Variants in RBFOX1 observed in about 807,000 individuals in gnomAD.
RBFOX1 encodes RNA binding protein fox-1 homolog 1.
RBFOX1 carries 8 observed loss-of-function variants against 57.7 expected under a neutral mutation model. That is an observed-to-expected ratio of 0.14 (90% CI 0.08 to 0.25). The LOEUF (loss-of-function observed/expected upper bound fraction) is 0.25. Among genes scored for constraint, RBFOX1 ranks in the 10% least tolerant of loss-of-function variants. The pLI is 1.00. For missense variants in RBFOX1, 611 were observed against 548.5 expected (o/e 1.11, Z -1.14); for synonymous variants, 326 against 222.4 (o/e 1.47, Z -4.15).
chr16:6,933,314 T>A (rs1018875890), intron 3 of RBFOX1, among the ~76,000 whole-genome samples: 1 of 152,246 alleles, frequency 6.6e-6, no homozygotes, highest in Non-Finnish European at 1.5e-5. Context: ...GTAACCGACA[T>A]ACTCTTTTCC....
chr16:5,291,168 C>CTG (rs1296837051), intron 1 of RBFOX1, among the ~76,000 whole-genome samples: 4 of 151,960 alleles, frequency 2.6e-5, no homozygotes, highest in Non-Finnish European at 1.5e-5. Context: ...TGTAACTACT[C>CTG]TGTGTCCCAG....
At chr16:6,745,736 G>A (rs2073438810) in intron 3 of RBFOX1, among the ~76,000 whole-genome samples, 1 of 152,196 alleles carries the variant, frequency 6.6e-6, no homozygotes, top group African/African-American at 2.4e-5. Context: ...TGGGAACAAA[G>A]CAAGGATTTA....
At chr16:5,899,797 G>A (rs1057349138) in intron 4 of RBFOX1, among the ~76,000 whole-genome samples, 3 of 152,188 alleles carry the variant, frequency 2.0e-5, no homozygotes, top group Non-Finnish European at 4.4e-5. Flanking sequence ...TTGATGGCCC[G>A]GCATGGTGGC....
chr16:6,725,023 C>T (rs77329293), intron 3 of RBFOX1, among the ~76,000 whole-genome samples: 2 of 147,268 alleles, frequency 1.4e-5, no homozygotes, highest in Non-Finnish European at 3.0e-5. Flanking sequence ...ACTTTTGTTG[C>T]CCTCTTGGTT....
At chr16:6,821,645 G>C (rs78148271) in intron 3 of RBFOX1, among the ~76,000 whole-genome samples, 4,548 of 152,234 alleles carry the variant, frequency 0.03, 228 homozygotes, top group East Asian at 0.15. Flanking sequence ...ACAACACGTG[G>C]CCTTTTTCAT....
intron 1 of RBFOX1, among the ~76,000 whole-genome samples, chr16:6,267,709 C>T (rs2074696935): frequency 1.3e-5 from 2 of 152,086 alleles, no homozygotes; most frequent in Non-Finnish European, 1.5e-5. Context: ...CTGTTTTTTT[C>T]CCTTTTTCCC....
chr16:6,637,290 A>C (rs1286270345), intron 2 of RBFOX1, among the ~76,000 whole-genome samples: 1 of 67,344 alleles, frequency 1.5e-5, no homozygotes, highest in African/African-American at 7.1e-5. Flanking sequence ...TATATATAAT[A>C]TATAATATAC....
chr16:5,372,830 CATG>C (rs2065893475), intron 1 of RBFOX1, among the ~76,000 whole-genome samples: 1 of 152,238 alleles, frequency 6.6e-6, no homozygotes, highest in African/African-American at 2.4e-5. Context: ...AATACCATCT[CATG>C]ATCCTTTGGA....
intron 4 of RBFOX1, among the ~76,000 whole-genome samples, chr16:7,241,330 G>C (rs1282376392): frequency 6.6e-5 from 10 of 152,108 alleles, no homozygotes; most frequent in Admixed American, 2.0e-4. Context: ...GCAGGAAGCA[G>C]GTCACCTCCT....
At chr16:5,626,100 G>A (rs1596498992) in intron 3 of RBFOX1, among the ~76,000 whole-genome samples, 1 of 151,662 alleles carries the variant, frequency 6.6e-6, no homozygotes, top group East Asian at 1.9e-4. Flanking sequence ...GGCTGGTCTC[G>A]AGCTCCTGAC....
At chr16:7,255,077 G>C (rs115795150) in intron 4 of RBFOX1, among the ~76,000 whole-genome samples, 2 of 152,134 alleles carry the variant, frequency 1.3e-5, no homozygotes, top group Admixed American at 6.5e-5. Flanking sequence ...TAATATTAAC[G>C]TTAGCTGTTA....
At chr16:6,803,759 T>A (rs1034166814) in intron 3 of RBFOX1, among the ~76,000 whole-genome samples, 11 of 152,034 alleles carry the variant, frequency 7.2e-5, no homozygotes, top group African/African-American at 2.7e-4. Context: ...ATCTATTACT[T>A]GTGAGAGAAT....
chr16:6,063,199 T>C (rs867932641), intron 1 of RBFOX1, among the ~76,000 whole-genome samples: 1 of 151,954 alleles, frequency 6.6e-6, no homozygotes, highest in African/African-American at 2.4e-5. Flanking sequence ...GCTTGATCAC[T>C]TTGGAGCAGC....
intron 2 of RBFOX1, among the ~76,000 whole-genome samples, chr16:6,463,477 G>A (rs1307111847): frequency 6.6e-6 from 1 of 152,118 alleles, no homozygotes; most frequent in Non-Finnish European, 1.5e-5. Context: ...TAACATTTGG[G>A]GTCAGAAGCT....
chr16:6,840,638 C>G (rs1265492190), intron 3 of RBFOX1, among the ~76,000 whole-genome samples: 2 of 152,004 alleles, frequency 1.3e-5, no homozygotes, highest in Non-Finnish European at 2.9e-5. Flanking sequence ...CCCATAACCC[C>G]AGCACTTTGG....
intron 4 of RBFOX1, among the ~76,000 whole-genome samples, chr16:7,186,741 T>G (rs1227452650): frequency 6.7e-6 from 1 of 150,306 alleles, no homozygotes; most frequent in African/African-American, 2.4e-5. Context: ...AGATTCTATA[T>G]GAAGCAATGA....
At chr16:7,519,851 T>A in intron 5 of RBFOX1, 2 of 446,072 alleles carry the variant, frequency 4.5e-6, no homozygotes, top group Non-Finnish European at 5.9e-6. Flanking sequence ...GCCACCTCAT[T>A]CATTTGGAGG....
At chr16:7,337,588 C>T (rs2096815176) in intron 4 of RBFOX1, among the ~76,000 whole-genome samples, 1 of 152,304 alleles carries the variant, frequency 6.6e-6, no homozygotes, top group Non-Finnish European at 1.5e-5. Flanking sequence ...CAATGGAACT[C>T]CTAAGCACTG....
At chr16:6,146,185 A>C (rs2096756748) in intron 1 of RBFOX1, among the ~76,000 whole-genome samples, 1 of 152,090 alleles carries the variant, frequency 6.6e-6, no homozygotes, top group African/African-American at 2.4e-5. Context: ...GTGCTGTGGG[A>C]GGGGGTGGAG....
Sources: gnomAD v4.1 joint callset for allele counts (sites outside exome capture counted in the v4.1 genomes callset) on GRCh38, gnomAD v4.1.1 for gene constraint, MANE v1.5 for transcripts, NCBI Gene and HGNC (gene_info 2026-07-23, HGNC 2026-07-21) for gene names.